Variants in FNDC7 observed in about 807,000 individuals in gnomAD.
FNDC7 encodes fibronectin type III domain containing 7.
FNDC7 carries 66 observed loss-of-function variants against 74.2 expected under a neutral mutation model. The ratio of observed to expected loss-of-function variants is 0.89; its 90% CI spans 0.73 to 1.09. The LOEUF (loss-of-function observed/expected upper bound fraction) is 1.09. FNDC7 is among the 50% of genes least tolerant of loss of function. The pLI is 0.00. For synonymous variants in FNDC7, 307 were observed against 330.2 expected, an observed-to-expected ratio of 0.93 and a Z score of 0.76; for missense variants, 829 against 893.4, an observed-to-expected ratio of 0.93 and a Z score of 0.92.
intron 6 of FNDC7, among the ~76,000 whole-genome samples, chr1:108,726,655 T>C (rs1327820312): frequency 6.6e-6 from 1 of 152,246 alleles, no homozygotes; most frequent in Non-Finnish European, 1.5e-5. Context: ...GCAGGAATTA[T>C]GTCTTATTTA....
intron 6 of FNDC7, 70 bp downstream of exon 6, chr1:108,726,074 A>C: frequency 6.4e-7 from 1 of 1,551,514 alleles, no homozygotes; most frequent in Non-Finnish European, 8.8e-7. Flanking sequence ...TGGATCACCT[A>C]TTCCACTTAT....
intron 5 of FNDC7, among the ~76,000 whole-genome samples, 181 bp from the exon 6 acceptor site, chr1:108,725,569 G>T (rs1661188351): frequency 6.6e-6 from 1 of 152,122 alleles, no homozygotes; most frequent in South Asian, 2.1e-4. Context: ...CATAGCCTTT[G>T]GTCCTATAAA....
In FNDC7 at chr1:108,713,482, G is replaced by A. The variant is rs911782253; in HGVS notation, c.64-29G>A. On this transcript the variant is annotated intron_variant, in intron 1 of 12. Transcript: ENST00000370017. The stretch of plus-strand genomic sequence containing the variant: ...TGTTCAAGTTGTGTTTTTCTGTGTG[G>A]TTCTAATTTTCCAAACTTTCCTTTT... 4.5e-6 allele frequency: 7 copies of A among 1,547,216 alleles called. No homozygotes were observed. In the African/African-American group the frequency reaches 8.2e-5, roughly 18 times the overall value.
intron 10 of FNDC7, 113 bp downstream of exon 10, chr1:108,733,645 CTTTCTTTTTTTTTT>C: frequency 1.4e-6 from 1 of 728,944 alleles, no homozygotes. Flanking sequence ...TATAAAATTT[CTTTCTTTTTTTTTT>C]TTTTTTTTTT....
At chr1:108,723,872 C>A (rs185773475) in intron 5 of FNDC7, among the ~76,000 whole-genome samples, 49 of 152,274 alleles carry the variant, frequency 3.2e-4, no homozygotes, top group African/African-American at 1.1e-3. Flanking sequence ...AAAAGCTCCC[C>A]AGTTGATTCT....
intron 6 of FNDC7, 21 bp from the exon 7 acceptor site, chr1:108,727,787 T>C (rs776472873): frequency 6.9e-5 from 112 of 1,612,968 alleles, no homozygotes; most frequent in Non-Finnish European, 9.3e-5. Flanking sequence ...ACCGCCATTT[T>C]CCCTCTGCTC....
intron 2 of FNDC7, among the ~76,000 whole-genome samples, chr1:108,716,318 G>GGGGT (rs1660971773): frequency 8.0e-6 from 1 of 125,356 alleles, no homozygotes; most frequent in Admixed American, 8.2e-5. Flanking sequence ...GAGCAGAAGA[G>GGGGT]AGGTGTGTGT....
chr1:108,715,668 C>T (rs55852951), intron 2 of FNDC7, among the ~76,000 whole-genome samples: 62,222 of 138,926 alleles, frequency 0.45, 14,073 homozygotes, highest in East Asian at 0.69. Context: ...TGCGTGCGCG[C>T]GCGCACACAC....
intron 6 of FNDC7, among the ~76,000 whole-genome samples, chr1:108,726,246 G>T (rs1241380430): frequency 6.6e-6 from 1 of 152,208 alleles, no homozygotes; most frequent in Admixed American, 6.5e-5. Context: ...GTTCAACCTT[G>T]CTCTGAAAGA....
chr1:108,733,250 G>C (rs191299678), intron 9 of FNDC7, 22 bp from the exon 10 acceptor site: 1 of 1,596,122 alleles, frequency 6.3e-7, no homozygotes, highest in East Asian at 2.3e-5. Flanking sequence ...GTGATTTTGT[G>C]TTTGTTATTT....
intron 6 of FNDC7, among the ~76,000 whole-genome samples, chr1:108,726,841 A>T (rs917400310): frequency 1.6e-4 from 24 of 152,210 alleles, no homozygotes; most frequent in African/African-American, 5.5e-4. Context: ...TGAGGGATCT[A>T]AATCATTGGT....
chr1:108,728,162 A>G, intron 7 of FNDC7, 97 bp downstream of exon 7: 1 of 1,414,366 alleles, frequency 7.1e-7, no homozygotes, highest in East Asian at 2.3e-5. Flanking sequence ...TAAAAAGGTT[A>G]AATCCCATTA....
chr1:108,717,461 TCCC>T (rs906514187), intron 2 of FNDC7, among the ~76,000 whole-genome samples: 1 of 150,978 alleles, frequency 6.6e-6, no homozygotes, highest in African/African-American at 2.4e-5. Context: ...CTCTCTCTCT[TCCC>T]AGAGTTCTTT....
chr1:108,738,001 C>T (rs1174645247), intron 11 of FNDC7, among the ~76,000 whole-genome samples: 1 of 152,340 alleles, frequency 6.6e-6, no homozygotes, highest in Non-Finnish European at 1.5e-5. Context: ...ACTTTAGAGC[C>T]GTGCTTCTCA....
At chr1:108,718,632 C>G (rs1038151917) in intron 3 of FNDC7, among the ~76,000 whole-genome samples, 157 bp from the exon 4 acceptor site, 6 of 152,204 alleles carry the variant, frequency 3.9e-5, no homozygotes, top group African/African-American at 1.2e-4. Flanking sequence ...GATTAGTATA[C>G]ACTTAAATAG....
At chr1:108,727,059 T>G (rs1311993269) in intron 6 of FNDC7, among the ~76,000 whole-genome samples, 1 of 152,164 alleles carries the variant, frequency 6.6e-6, no homozygotes. Flanking sequence ...GGCACAGTGG[T>G]TCACGCCTGT....
intron 4 of FNDC7, 35 bp downstream of exon 4, chr1:108,719,084 AC>A: frequency 1.3e-6 from 2 of 1,548,490 alleles, no homozygotes; most frequent in Non-Finnish European, 1.7e-6. Context: ...GAACAATTCT[AC>A]TTTTGATTAA....
At chr1:108,721,421 A>G (rs1661089525) in intron 4 of FNDC7, among the ~76,000 whole-genome samples, 1 of 152,056 alleles carries the variant, frequency 6.6e-6, no homozygotes, top group Non-Finnish European at 1.5e-5. Context: ...GTAAGCCAAG[A>G]TTGCGACACT....
rs987491095 is a variant in FNDC7 at position 108,742,677 on chromosome 1, A to G, written c.*790A>G. ...CTTATTGGCCATATCCCCCACTCAT[A>G]TTGTAATTACTTTTTTCATCTTTGG... On this transcript the variant is annotated 3_prime_UTR_variant, in exon 13 of 13. Transcript: ENST00000370017. 1.1e-4 allele frequency: 17 copies of G among 152,158 alleles called. No individual in the cohort carries two copies. The highest frequency in any genetic ancestry group is 3.1e-4 in the African/African-American group (13 of 41,444). 9.4% of individuals were successfully genotyped at this position (152,158 alleles called of 1,614,324 possible).
Sources: gnomAD v4.1 joint callset for allele counts (sites outside exome capture counted in the v4.1 genomes callset) on GRCh38, gnomAD v4.1.1 for gene constraint, MANE v1.5 for transcripts, NCBI Gene and HGNC (gene_info 2026-07-23, HGNC 2026-07-21) for gene names.